Variants in ADAM2 observed in about 807,000 individuals in gnomAD.
ADAM2 encodes disintegrin and metalloproteinase domain-containing protein 2.
In ADAM2, 101 loss-of-function variants were observed where a neutral mutation model predicts 99.3. The ratio of observed to expected loss-of-function variants is 1.02; its 90% CI spans 0.87 to 1.20. The LOEUF is 1.20. ADAM2 is among the 50% of genes most tolerant of loss of function. The probability of loss-of-function intolerance (pLI) is 0.00; values close to 1 mark genes in which losing one functional copy is unlikely to be tolerated. For missense variants in ADAM2, 948 were observed against 878.7 expected (o/e 1.08, Z -1.00); for synonymous variants, 323 against 287.6 (o/e 1.12, Z -1.25).
At chr8:39,806,811 T>A (rs1045805834) in intron 7 of ADAM2, among the ~76,000 whole-genome samples, 1 of 152,144 alleles carries the variant, frequency 6.6e-6, no homozygotes, top group Admixed American at 6.6e-5. Flanking sequence ...GGCTGCACAA[T>A]CATTTGACAA....
chr8:39,767,194 CG>C lies in ADAM2; in HGVS notation c.1269del (p.Gly424ValfsTer56), dbSNP rs745471568. 3.1e-6 allele frequency: 5 copies of C among 1,608,168 alleles called. No individual in the cohort carries two copies. The highest frequency in any genetic ancestry group is 4.2e-6 in the Non-Finnish European group (5 of 1,178,794). On this transcript the variant is annotated frameshift_variant, in exon 13 of 21. Transcript: ENST00000265708. LOFTEE classifies it high-confidence loss of function. The part of the protein sequence containing the change: ...CCDIATCRFK[A>X]GSNCAEGPCC... Reference sequence around the variant, plus strand: ...CATGGTCCTTCAGCACAGTTTGAACCGGCTTTAAATCTACATGTGGCAATAT... The same window carrying C: ...CATGGTCCTTCAGCACAGTTTGAACCGCTTTAAATCTACATGTGGCAATAT...
chr8:39,749,668 C>T lies in ADAM2; in HGVS notation c.1874G>A (p.Gly625Asp), dbSNP rs768126560. The T allele has an allele frequency of 3.7e-6, 6 of 1,609,318 alleles. No individual in the cohort carries two copies. Among genetic ancestry groups the T allele is most frequent in the Admixed American group, 1.7e-5 (1 of 59,744 alleles). Residue 625 changes from glycine to aspartate, a missense_variant and splice_region_variant, in exon 17 of 21, where the codon GGT becomes GAT. Gly to Asp is a moderately conservative substitution (Grantham distance 94, BLOSUM62 -1). Transcript: ENST00000265708. Reference sequence around the variant, plus strand: ...TCACCTCATAGTACTGCTACTTACACCTCTATCATTGCATTTGTCAGTAGT... The same window carrying T: ...TCACCTCATAGTACTGCTACTTACATCTCTATCATTGCATTTGTCAGTAGT... ...DCTTDKCNDR[G>D]VCNNKKHCHC... is the part of the protein sequence containing the mutation.
chr8:39,800,117 T>C (rs561887375), intron 7 of ADAM2, among the ~76,000 whole-genome samples: 1 of 152,302 alleles, frequency 6.6e-6, no homozygotes, highest in South Asian at 2.1e-4. Context: ...TTCTTTGTAG[T>C]GCCATGGGTC....
At chr8:39,810,308 G>A (rs1462026798) in intron 6 of ADAM2, among the ~76,000 whole-genome samples, 3 of 152,156 alleles carry the variant, frequency 2.0e-5, no homozygotes, top group Admixed American at 2.0e-4. Context: ...ACTACAAAGA[G>A]ACTTAGACTC....
intron 11 of ADAM2, among the ~76,000 whole-genome samples, chr8:39,771,265 C>T (rs1349294014): frequency 1.3e-5 from 2 of 152,130 alleles, no homozygotes; most frequent in Admixed American, 6.6e-5. Flanking sequence ...TTTATGCAAA[C>T]GGATATTTCC....
intron 16 of ADAM2, among the ~76,000 whole-genome samples, chr8:39,750,314 A>G (rs1586043327): frequency 6.6e-6 from 1 of 152,258 alleles, no homozygotes. Context: ...CCTGGCCCCA[A>G]GAAGGCATCA....
chr8:39,819,509 C>T (rs1419737118), intron 6 of ADAM2, among the ~76,000 whole-genome samples: 1 of 152,008 alleles, frequency 6.6e-6, no homozygotes, highest in Non-Finnish European at 1.5e-5. Flanking sequence ...CAAACATTAG[C>T]CTGGATGCCT....
chr8:39,801,951 C>G (rs1462961358), intron 7 of ADAM2, among the ~76,000 whole-genome samples: 1 of 152,154 alleles, frequency 6.6e-6, no homozygotes, highest in East Asian at 1.9e-4. Flanking sequence ...TTGCTAGTCC[C>G]AGAGCTGGCT....
In ADAM2 at chr8:39,788,215, A is replaced by C; in HGVS notation, c.679T>G (p.Ser227Ala). The change falls in exon 9 of 21, where the codon TCA (serine) becomes GCA (alanine). Residue 227 changes from serine to alanine, a missense_variant. By Grantham distance (99) the Ser-to-Ala change is moderately conservative. Transcript: ENST00000265708. Reference sequence around the variant, plus strand: ...TTTTCATCTATCCAAAGCTCCAATGAAGACAGAATAATTGTAATATTAAAT... The same window carrying C: ...TTTTCATCTATCCAAAGCTCCAATGCAGACAGAATAATTGTAATATTAAAT... ...VSFNITIILS[S>A]LELWIDENKI... is the part of the protein sequence containing the mutation. 1 of 1,562,024 alleles carries C rather than the reference A, an allele frequency of 6.4e-7. No individual in the cohort carries two copies. The highest frequency in any genetic ancestry group is 1.2e-5 in the South Asian group (1 of 84,218).
chr8:39,837,281 C>T, intron 1 of ADAM2, 69 bp from the exon 2 acceptor site: 1 of 1,079,948 alleles, frequency 9.3e-7, no homozygotes, highest in South Asian at 1.5e-5. Flanking sequence ...ATGAGTTTTT[C>T]ATCTAAATCT....
At chr8:39,779,765 A>G (rs1803143261) in intron 10 of ADAM2, among the ~76,000 whole-genome samples, 1 of 152,180 alleles carries the variant, frequency 6.6e-6, no homozygotes, top group Non-Finnish European at 1.5e-5. Flanking sequence ...AGAAATTTGT[A>G]AACAAGTGGG....
At chr8:39,759,930 G>C (rs1057010795) in intron 15 of ADAM2, among the ~76,000 whole-genome samples, 3 of 152,188 alleles carry the variant, frequency 2.0e-5, no homozygotes, top group African/African-American at 4.8e-5. Context: ...GCAGTGGCGC[G>C]ATCTCGGCTC....
intron 16 of ADAM2, among the ~76,000 whole-genome samples, chr8:39,753,317 C>T (rs1320950412): frequency 6.6e-6 from 1 of 151,858 alleles, no homozygotes; most frequent in Admixed American, 6.6e-5. Flanking sequence ...GAACTCTGAA[C>T]TTGAGAGATG....
At chr8:39,794,025 T>A (rs2129585857) in intron 7 of ADAM2, among the ~76,000 whole-genome samples, 1 of 152,298 alleles carries the variant, frequency 6.6e-6, no homozygotes, top group African/African-American at 2.4e-5. Context: ...GCCATCTGGG[T>A]GAATAATCTT....
intron 1 of ADAM2, among the ~76,000 whole-genome samples, chr8:39,837,661 A>T (rs1276883398): frequency 6.6e-6 from 1 of 152,128 alleles, no homozygotes; most frequent in Non-Finnish European, 1.5e-5. Flanking sequence ...CTGGGATTAC[A>T]GGCATGAGCC....
chr8:39,767,968 G>C (rs1331335629), intron 12 of ADAM2, among the ~76,000 whole-genome samples: 1 of 151,130 alleles, frequency 6.6e-6, no homozygotes, highest in African/African-American at 2.4e-5. Flanking sequence ...AGGGTAAATT[G>C]GAAAAAGAAA....
chr8:39,838,129 A>C lies in ADAM2; in HGVS notation c.55+2T>G. On this transcript the variant is annotated splice_donor_variant, in intron 1 of 20. Coordinates refer to ENST00000265708, the MANE Select transcript of ADAM2 (RefSeq NM_001464.5). LOFTEE classifies it high-confidence loss of function. Reference sequence around the variant, plus strand: ...GGCCAGAGGAGGGGTTTTTCTGCTTACTACTGTCCATCCGCAGCCCGCCGA... The same window carrying C: ...GGCCAGAGGAGGGGTTTTTCTGCTTCCTACTGTCCATCCGCAGCCCGCCGA... 6.2e-7 allele frequency: 1 copy of C among 1,614,132 alleles called. No homozygotes were observed. Among genetic ancestry groups the C allele is most frequent in the South Asian group, 1.1e-5 (1 of 91,080 alleles).
At chr8:39,803,543 A>G (rs1239165378) in intron 7 of ADAM2, among the ~76,000 whole-genome samples, 2 of 152,186 alleles carry the variant, frequency 1.3e-5, no homozygotes, top group African/African-American at 2.4e-5. Flanking sequence ...TGTTTTTGAT[A>G]AAGCTGCCTT....
intron 11 of ADAM2, among the ~76,000 whole-genome samples, chr8:39,774,255 G>C (rs987910424): frequency 6.6e-6 from 1 of 151,878 alleles, no homozygotes; most frequent in Non-Finnish European, 1.5e-5. Context: ...AAATCAGAGT[G>C]AAACAAAGAC....
Sources: allele counts gnomAD v4.1 joint callset (sites outside exome capture counted in the v4.1 genomes callset), GRCh38; gene constraint gnomAD v4.1.1; transcripts MANE v1.5; gene names NCBI Gene and HGNC (gene_info 2026-07-23, HGNC 2026-07-21).